The following PLEKHM3 variants were observed in gnomAD, a reference collection of about 807,000 sequenced individuals.
The protein encoded by PLEKHM3 is pleckstrin homology domain containing M3.
In PLEKHM3, 45 loss-of-function variants were observed where a neutral mutation model predicts 81.8. The ratio of observed to expected loss-of-function variants is 0.55; its 90% CI spans 0.43 to 0.71. PLEKHM3 has a LOEUF of 0.71. Among genes scored for constraint, PLEKHM3 ranks in the 30% least tolerant of loss-of-function variants. The pLI, the probability that PLEKHM3 is intolerant of heterozygous loss-of-function variation, is 0.00. For missense variants in PLEKHM3, 788 were observed against 924.3 expected (o/e 0.85, Z 1.91); for synonymous variants, 352 against 356.4 (o/e 0.99, Z 0.14).
chr2:207,841,025 G>C (rs1411142215), intron 7 of PLEKHM3, among the ~76,000 whole-genome samples: 1 of 150,902 alleles, frequency 6.6e-6, no homozygotes, highest in African/African-American at 2.4e-5. Context: ...CACCATGTTG[G>C]CCAGGCAGGT....
intron 6 of PLEKHM3, among the ~76,000 whole-genome samples, chr2:207,885,124 T>A (rs1218057957): frequency 6.6e-6 from 1 of 152,242 alleles, no homozygotes; most frequent in Non-Finnish European, 1.5e-5. Context: ...TCATATCCAC[T>A]GAATCTACGG....
intron 5 of PLEKHM3, among the ~76,000 whole-genome samples, chr2:207,921,365 T>A (rs985260649): frequency 2.0e-5 from 3 of 152,142 alleles, no homozygotes; most frequent in Admixed American, 1.3e-4. Context: ...TTTAAAAAAA[T>A]TATTATTAAA....
chr2:207,894,154 G>A (rs761569191), intron 6 of PLEKHM3, among the ~76,000 whole-genome samples: 1 of 152,062 alleles, frequency 6.6e-6, no homozygotes, highest in Non-Finnish European at 1.5e-5. Context: ...GAAATTCACA[G>A]CATCATAAAT....
chr2:207,945,857 T>C (rs1397630276), intron 4 of PLEKHM3, among the ~76,000 whole-genome samples: 1 of 150,870 alleles, frequency 6.6e-6, no homozygotes, highest in African/African-American at 2.4e-5. Flanking sequence ...GCAAAGATCA[T>C]GCCACTGCAC....
intron 7 of PLEKHM3, among the ~76,000 whole-genome samples, chr2:207,836,372 T>C (rs1260133709): frequency 6.7e-6 from 1 of 149,974 alleles, no homozygotes; most frequent in Admixed American, 6.7e-5. Flanking sequence ...TTATGAACAG[T>C]CTTTGACCCA....
intron 5 of PLEKHM3, among the ~76,000 whole-genome samples, chr2:207,919,550 T>G (rs913189228): frequency 3.3e-5 from 5 of 152,166 alleles, no homozygotes; most frequent in Non-Finnish European, 5.9e-5. Flanking sequence ...GGATAGATTT[T>G]GAAGCTGAAG....
At chr2:207,847,723 T>C (rs1252338637) in intron 7 of PLEKHM3, among the ~76,000 whole-genome samples, 1 of 152,178 alleles carries the variant, frequency 6.6e-6, no homozygotes, top group Non-Finnish European at 1.5e-5. Flanking sequence ...AACAAACAGC[T>C]CCTCTGAAAA....
In PLEKHM3 at chr2:208,024,747, GTT is replaced by G. The variant is rs1693264745; in HGVS notation, c.-319+640_-319+641del. On this transcript the variant is annotated intron_variant, in intron 1 of 7. Transcript: ENST00000427836. Reference sequence around the variant, plus strand: ...AAGAGAGAAATAAACTTCTAAATAAGTTTACAACAGCATGGCTCAATCTCAGT... The same window carrying G: ...AAGAGAGAAATAAACTTCTAAATAAGTACAACAGCATGGCTCAATCTCAGT... 2.6e-5 allele frequency among the ~76,000 whole-genome samples: 4 copies of G among 152,280 alleles called. No homozygotes were observed. In the South Asian group the frequency reaches 8.3e-4, roughly 32 times the overall value.
intron 5 of PLEKHM3, among the ~76,000 whole-genome samples, chr2:207,924,701 A>G (rs541834154): frequency 6.6e-6 from 1 of 152,210 alleles, no homozygotes; most frequent in Non-Finnish European, 1.5e-5. Context: ...AAACCAAAAC[A>G]AACAAACAAA....
chr2:207,914,720 T>G (rs1360270154), intron 5 of PLEKHM3, among the ~76,000 whole-genome samples: 1 of 151,452 alleles, frequency 6.6e-6, no homozygotes, highest in African/African-American at 2.4e-5. Flanking sequence ...ATTTATTAAA[T>G]TTAACCCCTA....
intron 3 of PLEKHM3, among the ~76,000 whole-genome samples, chr2:207,957,012 A>T (rs567699832): frequency 1.2e-4 from 18 of 152,112 alleles, no homozygotes; most frequent in Non-Finnish European, 1.8e-4. Context: ...TAGCATGGGG[A>T]CAAAATGCAG....
rs1207115834 is a variant in PLEKHM3 at position 207,844,364 on chromosome 2, G to A, written c.2109-15868C>T. Among the ~76,000 whole-genome samples the A allele has an allele frequency of 1.8e-3, 270 of 148,436 alleles. 5 individuals are homozygous for A. Among genetic ancestry groups the A allele is most frequent in the Non-Finnish European group, 3.0e-4 (20 of 67,502 alleles). On this transcript the variant is annotated intron_variant, in intron 7 of 7. Transcript: ENST00000427836. ...GTTGCCCAGGCTGGAGTGCAGTGGC[G>A]CGATCTCGGCTCACTGCAAGCTCCG...
chr2:207,884,713 C>A (rs550292954), intron 6 of PLEKHM3, among the ~76,000 whole-genome samples: 12 of 152,150 alleles, frequency 7.9e-5, no homozygotes, highest in Non-Finnish European at 1.6e-4. Context: ...ATCAGTTTCT[C>A]TTCTCCTACT....
intron 6 of PLEKHM3, among the ~76,000 whole-genome samples, chr2:207,869,215 G>A (rs1467008043): frequency 6.6e-6 from 1 of 152,168 alleles, no homozygotes; most frequent in East Asian, 1.9e-4. Context: ...AAACCAGGCG[G>A]TCATTTGGTA....
chr2:207,968,073 C>G (rs893375439), intron 3 of PLEKHM3, among the ~76,000 whole-genome samples: 5 of 151,668 alleles, frequency 3.3e-5, no homozygotes, highest in African/African-American at 9.7e-5. Context: ...TCTGATAACC[C>G]AAGTTAACAG....
intron 7 of PLEKHM3, among the ~76,000 whole-genome samples, chr2:207,850,257 A>G (rs988774369): frequency 1.4e-4 from 22 of 152,344 alleles, no homozygotes; most frequent in African/African-American, 5.1e-4. Flanking sequence ...TTCTGGGGAC[A>G]CACCATATTC....
intron 6 of PLEKHM3, among the ~76,000 whole-genome samples, chr2:207,878,319 T>C (rs1009067280): frequency 1.3e-5 from 2 of 151,964 alleles, no homozygotes; most frequent in Non-Finnish European, 2.9e-5. Context: ...AAAAAAACTA[T>C]TATTTCTGGC....
chr2:207,938,107 A>G (rs988004808), intron 4 of PLEKHM3, among the ~76,000 whole-genome samples: 2 of 152,224 alleles, frequency 1.3e-5, no homozygotes, highest in African/African-American at 4.8e-5. Flanking sequence ...AAGCTAGGAT[A>G]CAAATAAATT....
Position 207,948,001 on chromosome 2 carries a change from T to C in PLEKHM3, c.1547-1489A>G, listed in dbSNP as rs144508156. Among the ~76,000 whole-genome samples the C allele has an allele frequency of 2.6e-5, 4 of 152,280 alleles. No individual in the cohort carries two copies. The East Asian group carries it at 7.7e-4, about 29-fold the overall frequency. ...AAATACATGAGAAATGGGAAGAAGATAAGTAAATATATTAGTATTAGGCTT... is the reference window on the plus strand; with the variant it reads ...AAATACATGAGAAATGGGAAGAAGACAAGTAAATATATTAGTATTAGGCTT... On this transcript the variant is annotated intron_variant, in intron 3 of 7. Coordinates refer to ENST00000427836, the MANE Select transcript of PLEKHM3 (RefSeq NM_001080475.3).
Sources: allele counts gnomAD v4.1 joint callset (sites outside exome capture counted in the v4.1 genomes callset), GRCh38; gene constraint gnomAD v4.1.1; transcripts MANE v1.5; gene names NCBI Gene and HGNC (gene_info 2026-07-23, HGNC 2026-07-21).